ZNF346: variants seen among roughly 807,000 people sequenced by gnomAD.
The protein encoded by ZNF346 is double-stranded RNA-binding zinc finger protein JAZ.
Under a neutral mutation model 33.7 loss-of-function variants are expected in ZNF346, and 23 were observed. That is an observed-to-expected ratio of 0.68 (90% CI 0.49 to 0.97). ZNF346 has a LOEUF of 0.97. Among genes scored for constraint, ZNF346 ranks in the 50% least tolerant of loss-of-function variants. The pLI is 0.00. For missense variants in ZNF346, 340 were observed against 371.1 expected (o/e 0.92, Z 0.69); for synonymous variants, 134 against 142.4 (o/e 0.94, Z 0.42).
chr5:177,033,824 A>G (rs997932043), intron 1 of ZNF346, among the ~76,000 whole-genome samples: 3 of 152,090 alleles, frequency 2.0e-5, no homozygotes, highest in African/African-American at 4.8e-5. Flanking sequence ...CACCTGGCCC[A>G]GTTGATGAAT....
intron 4 of ZNF346, among the ~76,000 whole-genome samples, chr5:177,049,706 C>T (rs7723864): frequency 0.13 from 19,878 of 152,216 alleles, 2,985 homozygotes; most frequent in African/African-American, 0.37. Context: ...CACTCACTGG[C>T]TGGGTCACCT....
rs185811221 is a variant in ZNF346, at chr5:177,061,036, C to T, written c.704-1022C>T. 6.3e-3 allele frequency among the ~76,000 whole-genome samples: 951 copies of T among 151,598 alleles called. 9 individuals are homozygous for T. Among genetic ancestry groups the T allele is most frequent in the African/African-American group, 0.021 (887 of 41,308 alleles). On this transcript the variant is annotated intron_variant, in intron 5 of 6. Transcript: ENST00000358149. Reference sequence around the variant, plus strand: ...CTGAGGGAGGAGAATGGCGTGAACCCGGGAGGCGGAGCTTGCCGTGAGCCA... The same window carrying T: ...CTGAGGGAGGAGAATGGCGTGAACCTGGGAGGCGGAGCTTGCCGTGAGCCA...
intron 5 of ZNF346, among the ~76,000 whole-genome samples, chr5:177,060,078 C>G (rs1782279650): frequency 6.6e-6 from 1 of 152,190 alleles, no homozygotes; most frequent in Middle Eastern, 3.2e-3. Context: ...CATGTTAGGG[C>G]AGCGGGCCTT....
chr5:177,037,196 T>G (rs143246228), intron 1 of ZNF346, among the ~76,000 whole-genome samples: 63 of 152,326 alleles, frequency 4.1e-4, no homozygotes, highest in African/African-American at 1.5e-3. Context: ...GTACTCACTT[T>G]GTTTTATATT....
chr5:177,062,024 G>T (rs762817334), intron 5 of ZNF346, 34 bp from the exon 6 acceptor site: 2 of 1,580,978 alleles, frequency 1.3e-6, no homozygotes, highest in Admixed American at 3.4e-5. Context: ...CCTTCTTTCT[G>T]GATTACTAAG....
intron 4 of ZNF346, among the ~76,000 whole-genome samples, chr5:177,047,034 ATTTATT>A (rs1780148783): frequency 6.7e-5 from 4 of 59,908 alleles, no homozygotes; most frequent in African/African-American, 2.7e-4. Context: ...ATTTATTTTT[ATTTATT>A]TATTTATTTA....
At chr5:177,026,518 C>T (rs1776808370) in intron 1 of ZNF346, among the ~76,000 whole-genome samples, 1 of 151,842 alleles carries the variant, frequency 6.6e-6, no homozygotes. Context: ...TGCTACCACA[C>T]CCAGCTAATT....
intron 8 of ZNF346, among the ~76,000 whole-genome samples, chr5:177,075,844 G>A (rs763870905): frequency 4.6e-5 from 7 of 152,108 alleles, no homozygotes; most frequent in East Asian, 1.9e-4. Flanking sequence ...CCGCCACCAC[G>A]CCCAGCTAAT....
chr5:177,070,158 C>T (rs760989910), downstream of ZNF346, among the ~76,000 whole-genome samples: 1 of 152,218 alleles, frequency 6.6e-6, no homozygotes, highest in Non-Finnish European at 1.5e-5. Flanking sequence ...TATTGACTTA[C>T]ATCCTCACCA....
intron 8 of ZNF346, among the ~76,000 whole-genome samples, chr5:177,078,154 G>A (rs552892102): frequency 6.6e-6 from 1 of 151,914 alleles, no homozygotes; most frequent in Non-Finnish European, 1.5e-5. Flanking sequence ...CTCAAAAAAA[G>A]AAAAGAAAAG....
chr5:177,050,128 A>G (rs1780656632), intron 4 of ZNF346, among the ~76,000 whole-genome samples: 1 of 152,298 alleles, frequency 6.6e-6, no homozygotes, highest in South Asian at 2.1e-4. Flanking sequence ...AGCAAAACGC[A>G]TAACTAAATG....
downstream of ZNF346, among the ~76,000 whole-genome samples, chr5:177,069,048 G>A (rs1185993293): frequency 2.1e-5 from 3 of 142,926 alleles, no homozygotes; most frequent in East Asian, 1.9e-4. Context: ...TTTTGACCTC[G>A]ATCATTATAG....
At position 177,067,785 on chromosome 5, in the gene ZNF346, C is replaced by A. The variant is rs1332123883; in HGVS notation, c.*3186C>A. On this transcript the variant is annotated 3_prime_UTR_variant, in exon 7 of 7. Transcript: ENST00000358149. ...AGCTAGCATTTCATCTGCATAACAA[C>A]CTTTGAGCTAAGAGTTAATATTCCA... Among the ~76,000 whole-genome samples the A allele has an allele frequency of 6.6e-6, 1 of 152,030 alleles. No individual in the cohort carries two copies. The highest frequency in any genetic ancestry group is 2.4e-5 in the African/African-American group (1 of 41,376).
At chr5:177,029,906 G>A (rs1777421577) in intron 1 of ZNF346, among the ~76,000 whole-genome samples, 1 of 152,184 alleles carries the variant, frequency 6.6e-6, no homozygotes, top group South Asian at 2.1e-4. Flanking sequence ...AGTCTTGTAG[G>A]AATAAGCCCT....
chr5:177,071,493 TG>T (rs1783497634), downstream of ZNF346, among the ~76,000 whole-genome samples: 4 of 152,048 alleles, frequency 2.6e-5, no homozygotes, highest in Admixed American at 2.6e-4. Flanking sequence ...GAGACCATCC[TG>T]GCTAACACGG....
At chr5:177,063,151 C>T (rs1194504181) in intron 6 of ZNF346, among the ~76,000 whole-genome samples, 1 of 151,998 alleles carries the variant, frequency 6.6e-6, no homozygotes, top group East Asian at 1.9e-4. Context: ...CCATCTGCCT[C>T]GGCCTCCCAA....
In ZNF346 at chr5:177,050,951, C is replaced by T; in HGVS notation, c.703+15C>T. On this transcript the variant is annotated intron_variant, in intron 5 of 6. Transcript: ENST00000358149. ...TGACTTTCCAGGTGAGGGGGCCTAG[C>T]TCACACCCAGAGCTGGACCAGGGTT... 1 of 1,606,278 alleles carries T rather than the reference C, an allele frequency of 6.2e-7. No individual in the cohort carries two copies. Among genetic ancestry groups the T allele is most frequent in the East Asian group, 2.2e-5 (1 of 44,832 alleles).
chr5:177,080,978 C>T (rs958387005), exon 9 of ZNF346: 82 of 152,134 alleles, frequency 5.4e-4, no homozygotes, highest in African/African-American at 1.7e-3. Flanking sequence ...TGCGGTGGCT[C>T]AAGCCTGTAC....
chr5:177,023,657 A>G (rs1776239107), intron 1 of ZNF346, among the ~76,000 whole-genome samples: 1 of 152,136 alleles, frequency 6.6e-6, no homozygotes, highest in African/African-American at 2.4e-5. Flanking sequence ...GAAGGATGGA[A>G]AAGAGCTGTC....
Sources: gnomAD v4.1 joint callset for allele counts (sites outside exome capture counted in the v4.1 genomes callset) on GRCh38, gnomAD v4.1.1 for gene constraint, MANE v1.5 for transcripts, NCBI Gene and HGNC (gene_info 2026-07-23, HGNC 2026-07-21) for gene names.